MAPKAP1: variants seen among roughly 807,000 people sequenced by gnomAD.
MAPKAP1 encodes the protein target of rapamycin complex 2 subunit MAPKAP1.
In MAPKAP1, 20 loss-of-function variants were observed where a neutral mutation model predicts 65.7. The observed-to-expected ratio is 0.30, with a 90% confidence interval of 0.21 to 0.44. The LOEUF is 0.44. MAPKAP1 is among the 20% of genes least tolerant of loss of function. The probability of loss-of-function intolerance (pLI) is 1.00; values close to 1 mark genes in which losing one functional copy is unlikely to be tolerated. For missense variants in MAPKAP1, 423 were observed against 648.0 expected, an observed-to-expected ratio of 0.65 and a Z score of 3.77; for synonymous variants, 222 against 244.3, an observed-to-expected ratio of 0.91 and a Z score of 0.85.
At chr9:125,635,169 TA>T (rs1337033918) in intron 4 of MAPKAP1, among the ~76,000 whole-genome samples, 15 of 152,234 alleles carry the variant, frequency 9.9e-5, no homozygotes, top group African/African-American at 2.9e-4. Context: ...TAAGGCCAGG[TA>T]GTCCTCAAGT....
intron 1 of MAPKAP1, among the ~76,000 whole-genome samples, chr9:125,673,319 C>T (rs565029561): frequency 6.6e-6 from 1 of 152,292 alleles, no homozygotes; most frequent in Admixed American, 6.5e-5. Flanking sequence ...ACCTCCACCT[C>T]CCAGGTTCAA....
intron 6 of MAPKAP1, chr9:125,558,990 C>T (rs1431957769): frequency 6.6e-6 from 1 of 152,214 alleles, no homozygotes; most frequent in Admixed American, 6.5e-5. Flanking sequence ...CGCTTTGAAA[C>T]AACAGGCTTC....
chr9:125,463,060 C>G (rs1034245564), intron 10 of MAPKAP1, among the ~76,000 whole-genome samples: 1 of 152,220 alleles, frequency 6.6e-6, no homozygotes, highest in Admixed American at 6.5e-5. Flanking sequence ...AAAAGTACCC[C>G]CTTCTGTATT....
intron 7 of MAPKAP1, among the ~76,000 whole-genome samples, chr9:125,525,706 C>CAAA (rs72340047): frequency 2.0e-5 from 2 of 100,928 alleles, no homozygotes; most frequent in African/African-American, 6.0e-5. Flanking sequence ...CAAAAACAAA[C>CAAA]AAAAAAAAAA....
rs1160025573 is a variant in MAPKAP1 at position 125,439,495 on chromosome 9, G to A, written c.1444-483C>T. ...GCCAGGCGCAGAGCTTCCCACCACA[G>A]TGCTTCCTTCAGGGCTCATGAGTGC... is the stretch of plus-strand genomic sequence containing the variant. On this transcript the variant is annotated intron_variant, in intron 11 of 11. Transcript: ENST00000265960. The surrounding 1 kb of genome is among the most constrained non-coding windows in gnomAD (Gnocchi z 4.0). 6.6e-6 allele frequency among the ~76,000 whole-genome samples: 1 copy of A among 152,164 alleles called. No homozygotes were observed. The highest frequency in any genetic ancestry group is 2.4e-5 in the African/African-American group (1 of 41,432).
intron 5 of MAPKAP1, among the ~76,000 whole-genome samples, chr9:125,579,417 G>A (rs1187437437): frequency 4.6e-5 from 7 of 152,106 alleles, no homozygotes; most frequent in East Asian, 1.9e-4. Context: ...TCGGACTCCC[G>A]AGTAGCTGGG....
chr9:125,661,833 T>C (rs1414067094), intron 3 of MAPKAP1, among the ~76,000 whole-genome samples: 2 of 152,116 alleles, frequency 1.3e-5, no homozygotes, highest in Non-Finnish European at 2.9e-5. Flanking sequence ...CTAAGTATAA[T>C]AATGACTTGG....
At chr9:125,460,787 G>A (rs1326806860) in intron 10 of MAPKAP1, among the ~76,000 whole-genome samples, 1 of 152,208 alleles carries the variant, frequency 6.6e-6, no homozygotes, top group Non-Finnish European at 1.5e-5. Context: ...TCTCCACTGT[G>A]CTCCCATACC....
At chr9:125,457,209 G>A (rs541149304) in intron 10 of MAPKAP1, among the ~76,000 whole-genome samples, 6 of 152,082 alleles carry the variant, frequency 3.9e-5, no homozygotes, top group East Asian at 1.9e-4. Context: ...GGCTGGTCTC[G>A]AACTCCTGAC....
At chr9:125,572,530 A>C (rs992315801) in intron 5 of MAPKAP1, among the ~76,000 whole-genome samples, 1 of 152,252 alleles carries the variant, frequency 6.6e-6, no homozygotes, top group Non-Finnish European at 1.5e-5. Flanking sequence ...TACACTTTCT[A>C]CTAAATTCTA....
chr9:125,560,927 C>T (rs1390106783), intron 5 of MAPKAP1, among the ~76,000 whole-genome samples: 1 of 152,208 alleles, frequency 6.6e-6, no homozygotes, highest in African/African-American at 2.4e-5. Context: ...GGATGGGAAA[C>T]TATACCAACA....
intron 1 of MAPKAP1, among the ~76,000 whole-genome samples, chr9:125,697,667 G>C (rs745800978): frequency 1.3e-5 from 2 of 151,908 alleles, no homozygotes; most frequent in African/African-American, 2.4e-5. Flanking sequence ...AATATCTTTC[G>C]ACATCTCTGA....
intron 7 of MAPKAP1, among the ~76,000 whole-genome samples, chr9:125,514,614 G>A (rs1036670030): frequency 6.6e-6 from 1 of 152,208 alleles, no homozygotes; most frequent in Non-Finnish European, 1.5e-5. Flanking sequence ...TTAAAAGCAA[G>A]CTTGTTCAAG....
intron 7 of MAPKAP1, 134 bp downstream of exon 7, chr9:125,542,925 T>C (rs766406611): frequency 6.4e-6 from 5 of 786,402 alleles, no homozygotes; most frequent in South Asian, 4.0e-5. Context: ...TTTTCTTGCA[T>C]AGATCAGCTA....
In MAPKAP1 at chr9:125,458,505, A is replaced by G. The variant is rs550034615; in HGVS notation, c.1345+9467T>C. ...CCATTTAACCCTGAGTGGACACAGC[A>G]CATGTTTCAGAGAGCACAGGGTTGG... On this transcript the variant is annotated intron_variant, in intron 10 of 11. Coordinates refer to ENST00000265960, the MANE Select transcript of MAPKAP1 (RefSeq NM_001006617.3). Among the ~76,000 whole-genome samples the G allele has an allele frequency of 5.3e-3, 802 of 152,116 alleles. 4 individuals carry two copies. Among genetic ancestry groups the G allele is most frequent in the Middle Eastern group, 0.017 (5 of 294 alleles).
At chr9:125,599,745 AGG>A (rs1261492995) in intron 4 of MAPKAP1, 1 of 152,318 alleles carries the variant, frequency 6.6e-6, no homozygotes, top group African/African-American at 2.4e-5. Flanking sequence ...CTGGGATTAT[AGG>A]CACTTGCCAC....
chr9:125,698,292 T>TATATATATAA (rs1835467157), intron 1 of MAPKAP1, among the ~76,000 whole-genome samples: 1 of 3,964 alleles, frequency 2.5e-4, no homozygotes. Context: ...TATATAAATA[T>TATATATATAA]ATATATATAT....
chr9:125,471,379 G>C (rs1853916597), intron 9 of MAPKAP1: 1 of 153,132 alleles, frequency 6.5e-6, no homozygotes, highest in Non-Finnish European at 1.5e-5. Context: ...GAGGAAGCAG[G>C]TGCCACAGCC....
At chr9:125,662,499 G>A (rs1051864173) in intron 3 of MAPKAP1, among the ~76,000 whole-genome samples, 2 of 152,108 alleles carry the variant, frequency 1.3e-5, no homozygotes, top group Non-Finnish European at 2.9e-5. Context: ...CTGGCTAAGA[G>A]GGTGAAACCC....
Sources: allele counts gnomAD v4.1 joint callset (sites outside exome capture counted in the v4.1 genomes callset), GRCh38; gene constraint gnomAD v4.1.1; non-coding constraint Gnocchi (gnomAD v3.1); transcripts MANE v1.5; gene names NCBI Gene and HGNC (gene_info 2026-07-23, HGNC 2026-07-21).